BRD8: variants seen among roughly 807,000 people sequenced by gnomAD.
BRD8 encodes bromodomain containing 8.
BRD8 carries 67 observed loss-of-function variants against 143.1 expected under a neutral mutation model. The observed-to-expected ratio is 0.47, with a 90% CI of 0.38 to 0.57. BRD8 has a LOEUF of 0.57. Among genes scored for constraint, BRD8 ranks in the 20% least tolerant of loss-of-function variants. The probability of loss-of-function intolerance (pLI) is 0.00; values close to 1 mark genes in which losing one functional copy is unlikely to be tolerated. For synonymous variants in BRD8, 505 were observed against 517.1 expected (o/e 0.98, Z 0.32); for missense variants, 1,103 against 1,503.0 (o/e 0.73, Z 4.40).
chr5:138,170,560 G>A, intron 6 of BRD8, 151 bp from the exon 7 acceptor site: 1 of 866,562 alleles, frequency 1.2e-6, no homozygotes, highest in Admixed American at 1.7e-5. Context: ...AGTGAATTGG[G>A]GTATACTGCC....
chr5:138,144,898 CA>C (rs34496046), intron 25 of BRD8, among the ~76,000 whole-genome samples: 7,728 of 102,866 alleles, frequency 0.075, 166 homozygotes, highest in Middle Eastern at 0.12. Flanking sequence ...GAGACCCTGT[CA>C]AAAAAAAAAA....
At chr5:138,151,100 T>C (rs191121596) in intron 21 of BRD8, 92 bp from the exon 22 acceptor site, 473 of 1,451,846 alleles carry the variant, frequency 3.3e-4, no homozygotes, top group Admixed American at 5.0e-4. Flanking sequence ...ACTGTCACAG[T>C]GACTAAGTCT....
chr5:138,139,969 T>C lies in BRD8; in HGVS notation c.*105A>G. On this transcript the variant is annotated 3_prime_UTR_variant, in exon 27 of 27. Coordinates refer to ENST00000254900, the MANE Select transcript of BRD8 (RefSeq NM_139199.2). ...TTGTGAGTTAAGGTATTATTCTTGT[T>C]GGAAAAGAAAATGAGGACATGGCAA... 1.1e-6 allele frequency: 1 copy of C among 878,094 alleles called. No individual in the cohort carries two copies. The highest frequency in any genetic ancestry group is 1.8e-6 in the Non-Finnish European group (1 of 544,760). 54.4% of individuals were successfully genotyped at this position (878,094 alleles called of 1,614,324 possible). A position where few individuals can be genotyped will look rare whatever the true frequency, so the allele number is the denominator to read the frequency against.
intron 23 of BRD8, among the ~76,000 whole-genome samples, chr5:138,149,011 G>A (rs987515876): frequency 2.0e-5 from 3 of 151,796 alleles, no homozygotes; most frequent in Non-Finnish European, 2.9e-5. Context: ...GCTGCAGTGA[G>A]TCATGATCGT....
chr5:138,147,587 T>A (rs1348378133), intron 23 of BRD8, among the ~76,000 whole-genome samples: 1 of 152,152 alleles, frequency 6.6e-6, no homozygotes, highest in Non-Finnish European at 1.5e-5. Context: ...GGCAGGAGAA[T>A]CACTTGAGGC....
intron 25 of BRD8, among the ~76,000 whole-genome samples, chr5:138,141,190 A>G (rs900610413): frequency 6.6e-6 from 1 of 150,478 alleles, no homozygotes; most frequent in East Asian, 2.0e-4. Flanking sequence ...AGTGCAATGG[A>G]GCAATCTCAG....
chr5:138,157,226 A>G (rs919096832), intron 20 of BRD8: 2 of 1,613,714 alleles, frequency 1.2e-6, no homozygotes, highest in East Asian at 2.2e-5. Context: ...TCATCTTCAT[A>G]TCTGCTTCAA....
chr5:138,170,818 A>G lies in BRD8; in HGVS notation c.440+14T>C, dbSNP rs1471338954. 1 of 1,607,798 alleles carries G rather than the reference A, an allele frequency of 6.2e-7. No individual in the cohort carries two copies. The highest frequency in any genetic ancestry group is 8.5e-7 in the Non-Finnish European group (1 of 1,174,562). ...AAAGAAAGAAGCACAGAAGAACAAT[A>G]TAATATAACCCACGTTGCAATGTCA... On this transcript the variant is annotated intron_variant, in intron 6 of 26. Transcript: ENST00000254900.
chr5:138,165,791 A>T, intron 11 of BRD8, 37 bp downstream of exon 11: 1 of 1,589,914 alleles, frequency 6.3e-7, no homozygotes, highest in Non-Finnish European at 8.6e-7. Flanking sequence ...CCTATGTAGG[A>T]CCCATGAGAT....
chr5:138,165,921 A>T lies in BRD8; in HGVS notation c.1185T>A (p.Asp395Glu). 1 of 1,614,180 alleles carries T rather than the reference A, an allele frequency of 6.2e-7. No individual in the cohort carries two copies. Among genetic ancestry groups the T allele is most frequent in the Non-Finnish European group, 8.5e-7 (1 of 1,180,034 alleles). Residue 395 changes from aspartate (D) to glutamate (E), a missense_variant, in exon 11 of 27, where the codon GAT (aspartate) becomes GAA (glutamate). This residue lies in a region of BRD8 where 334 missense variants were observed against 372.5 expected (regional missense o/e 0.90). Coordinates refer to ENST00000254900, the MANE Select transcript of BRD8 (RefSeq NM_139199.2). ...APSIDGKEEL[D>E]LAEKMDIAVS... Reference sequence around the variant, plus strand: ...CAGCAATATCCATCTTCTCAGCCAGATCTAATTCTTCCTTCCCATCTATGC... The same window carrying T: ...CAGCAATATCCATCTTCTCAGCCAGTTCTAATTCTTCCTTCCCATCTATGC...
intron 2 of BRD8, among the ~76,000 whole-genome samples, chr5:138,174,760 A>G (rs1754180150): frequency 6.6e-6 from 1 of 152,172 alleles, no homozygotes; most frequent in South Asian, 2.1e-4. Context: ...GATAACCAGA[A>G]GATAAACTAT....
chr5:138,170,536 C>A, intron 6 of BRD8, 127 bp from the exon 7 acceptor site: 2 of 1,018,694 alleles, frequency 2.0e-6, no homozygotes, highest in Non-Finnish European at 1.5e-6. Flanking sequence ...AACAGGAATT[C>A]TAACCAGCAA....
rs180896950 is a variant in BRD8 at position 138,163,510 on chromosome 5, C to T, written c.1873-166G>A. 2.4e-4 allele frequency: 337 copies of T among 1,405,218 alleles called. No individual in the cohort carries two copies. The East Asian group carries it at 2.6e-3, about 11-fold the overall frequency. 87.0% of individuals were successfully genotyped at this position (1,405,218 alleles called of 1,614,324 possible). ...TACTACCATCTACTTACAGACACTG[C>T]GTTAAGTAATTTAGAACCTGGACAA... On this transcript the variant is annotated intron_variant, in intron 14 of 26. Coordinates refer to ENST00000254900, the MANE Select transcript of BRD8 (RefSeq NM_139199.2).
chr5:138,169,604 G>A (rs1753708711), intron 7 of BRD8, among the ~76,000 whole-genome samples: 1 of 152,154 alleles, frequency 6.6e-6, no homozygotes. Context: ...TATCCCAAAG[G>A]TCCTTGGAGT....
Position 138,152,690 on chromosome 5 carries a change from C to A in BRD8, c.2648G>T (p.Cys883Phe). The A allele has an allele frequency of 6.2e-7, 1 of 1,614,218 alleles. No individual in the cohort carries two copies. The highest frequency in any genetic ancestry group is 8.5e-7 in the Non-Finnish European group (1 of 1,180,046). The change falls in exon 21 of 27, where the codon TGC becomes TTC. Residue 883 changes from cysteine to phenylalanine, a missense_variant. Cys to Phe is a radical substitution (Grantham distance 205, BLOSUM62 -2). Coordinates refer to ENST00000254900, the MANE Select transcript of BRD8 (RefSeq NM_139199.2). ...HPNDSELSND[C>F]RSLFSSWDSS... ...GTCCCATGAGCTGAAGAGGGACCTG[C>A]AGTCATTGCTCAACTCAGAGTCATT...
intron 25 of BRD8, 83 bp from the exon 26 acceptor site, chr5:138,140,965 A>G: frequency 1.4e-6 from 2 of 1,389,256 alleles, no homozygotes; most frequent in Non-Finnish European, 2.0e-6. Flanking sequence ...TTGAAGAACT[A>G]ACCAGTTCTT....
chr5:138,145,261 C>T lies in BRD8; in HGVS notation c.3369-16G>A, dbSNP rs759852561. 7 of 1,610,572 alleles carry T rather than the reference C, an allele frequency of 4.3e-6. No individual in the cohort carries two copies. The highest frequency in any genetic ancestry group is 5.1e-6 in the Non-Finnish European group (6 of 1,179,152). On this transcript the variant is annotated splice_polypyrimidine_tract_variant and intron_variant, in intron 24 of 26. Coordinates refer to ENST00000254900, the MANE Select transcript of BRD8 (RefSeq NM_139199.2). ...ACTGCTGAACCTGTTAAGGGACAAA[C>T]CCAGAGAGGATAAAGAAACCCTGGC...
intron 20 of BRD8, among the ~76,000 whole-genome samples, chr5:138,158,438 T>C (rs1180555307): frequency 6.6e-6 from 1 of 152,058 alleles, no homozygotes; most frequent in East Asian, 1.9e-4. Flanking sequence ...GTCACTTTTT[T>C]TTTTCTTTTT....
In BRD8 at chr5:138,140,016, A is replaced by T. The variant is rs1029323575; in HGVS notation, c.*58T>A. 19 of 1,335,102 alleles carry T rather than the reference A, an allele frequency of 1.4e-5. No homozygotes were observed. Among genetic ancestry groups the T allele is most frequent in the Non-Finnish European group, 1.8e-5 (17 of 928,038 alleles). The allele number at this position is 1,335,102 out of a possible 1,614,324, so 82.7% of individuals were successfully genotyped here. A position where few individuals can be genotyped will look rare whatever the true frequency, so the allele number is the denominator to read the frequency against. On this transcript the variant is annotated 3_prime_UTR_variant, in exon 27 of 27. Transcript: ENST00000254900. ...GCAAAGAAGTACCAGGATCCTCTCT[A>T]GGTCAGAGTTCCGGGAGAGATTCAA... is the stretch of plus-strand genomic sequence containing the variant.
Sources: gnomAD v4.1 joint callset for allele counts (sites outside exome capture counted in the v4.1 genomes callset) on GRCh38, gnomAD v4.1.1 for gene constraint, gnomAD v4.1.1 regional missense constraint, MANE v1.5 for transcripts, NCBI Gene and HGNC (gene_info 2026-07-23, HGNC 2026-07-21) for gene names.